LARP4B: variants seen among roughly 807,000 people sequenced by gnomAD.
LARP4B encodes the protein la-related protein 4B.
In LARP4B, 12 loss-of-function variants were observed where a neutral mutation model predicts 89.8. The observed-to-expected ratio is 0.13, with a 90% CI of 0.09 to 0.22. The LOEUF (loss-of-function observed/expected upper bound fraction) is 0.22, where lower values mean the gene tolerates loss of function less well. Ranked by LOEUF, LARP4B falls within the 10% of genes least tolerant of loss-of-function variation. LARP4B has a pLI of 1.00. For synonymous variants in LARP4B, 367 were observed against 363.3 expected (o/e 1.01, Z -0.12); for missense variants, 757 against 947.7 (o/e 0.80, Z 2.64).
intron 5 of LARP4B, among the ~76,000 whole-genome samples, chr10:857,461 G>C (rs1026293333): frequency 6.6e-6 from 1 of 152,146 alleles, no homozygotes; most frequent in African/African-American, 2.4e-5. Context: ...CAAAATGAAG[G>C]CCTCAGAAAC....
At position 857,285 on chromosome 10, in the gene LARP4B, C is replaced by A. The variant is rs115994195; in HGVS notation, c.430+6458G>T. On this transcript the variant is annotated intron_variant, in intron 5 of 17. Transcript: ENST00000316157. ...GAGACAGCAGGTAAGAACAGGTGGG[C>A]AATGCAAGCAGAGAGATGGAAATCC... 5.4e-3 allele frequency among the ~76,000 whole-genome samples: 821 copies of A among 151,878 alleles called. 6 individuals are homozygous for A. The highest frequency in any genetic ancestry group is 0.019 in the African/African-American group (771 of 41,390).
the LARP4B span, among the ~76,000 whole-genome samples, chr10:964,303 G>A: frequency 4.6e-5 from 7 of 152,214 alleles, no homozygotes; most frequent in Non-Finnish European, 1.0e-4. Flanking sequence ...CCGACCTCGT[G>A]ATCTGCCCGC....
At chr10:871,851 G>A (rs1403866674) in intron 3 of LARP4B, among the ~76,000 whole-genome samples, 2 of 152,172 alleles carry the variant, frequency 1.3e-5, no homozygotes, top group Non-Finnish European at 2.9e-5. Context: ...TCTCTTAGTG[G>A]TGTGATAGAG....
intron 1 of LARP4B, among the ~76,000 whole-genome samples, chr10:922,138 C>G (rs905677108): frequency 6.6e-5 from 10 of 152,164 alleles, no homozygotes; most frequent in African/African-American, 2.4e-4. Context: ...CACCTCAGAT[C>G]ATCAGGCACT....
the LARP4B span, among the ~76,000 whole-genome samples, chr10:937,205 G>T: frequency 6.6e-6 from 1 of 152,118 alleles, no homozygotes; most frequent in South Asian, 2.1e-4. Flanking sequence ...ACCATGCCCA[G>T]CTAATTTTTG....
At chr10:930,369 GTTATCCAAAACTTCAAACTTCCAA>G (rs1837263790) in intron 1 of LARP4B, among the ~76,000 whole-genome samples, 1 of 152,138 alleles carries the variant, frequency 6.6e-6, no homozygotes, top group African/African-American at 2.4e-5. Context: ...TGTTTTCTCA[GTTATCCAAAACTTCAAACTTCCAA>G]TTTACTATTA....
intron 1 of LARP4B, among the ~76,000 whole-genome samples, chr10:917,811 A>G (rs1447634483): frequency 6.6e-6 from 1 of 152,258 alleles, no homozygotes; most frequent in African/African-American, 2.4e-5. Flanking sequence ...TATATGGCCA[A>G]TCATTATTCT....
the LARP4B span, among the ~76,000 whole-genome samples, chr10:968,790 G>A: frequency 2.1e-4 from 32 of 152,366 alleles, no homozygotes; most frequent in South Asian, 1.2e-3. Flanking sequence ...GAGCGCCTTC[G>A]CGTATGATGG....
intron 1 of LARP4B, among the ~76,000 whole-genome samples, chr10:907,206 C>T (rs948290397): frequency 3.3e-5 from 5 of 151,006 alleles, no homozygotes; most frequent in African/African-American, 1.2e-4. Context: ...GTATCCCTAA[C>T]ACAGTACCTA....
intron 7 of LARP4B, among the ~76,000 whole-genome samples, chr10:838,640 G>C (rs1342384527): frequency 4.6e-5 from 7 of 152,140 alleles, no homozygotes; most frequent in Non-Finnish European, 8.8e-5. Context: ...TGGAGCAAGA[G>C]GAACTCCCAT....
At chr10:941,736 T>A in the LARP4B span, among the ~76,000 whole-genome samples, 1 of 152,250 alleles carries the variant, frequency 6.6e-6, no homozygotes. Context: ...ATTTCAGTTA[T>A]TTTTTTATTT....
chr10:827,571 G>A (rs1360679340), intron 11 of LARP4B, among the ~76,000 whole-genome samples: 1 of 152,200 alleles, frequency 6.6e-6, no homozygotes, highest in Admixed American at 6.5e-5. Flanking sequence ...GGCTGCGATG[G>A]AGAGCCCCAG....
At chr10:879,717 T>C (rs1006411469) in intron 3 of LARP4B, among the ~76,000 whole-genome samples, 2 of 152,186 alleles carry the variant, frequency 1.3e-5, no homozygotes, top group African/African-American at 2.4e-5. Context: ...TCCTCCCGCC[T>C]TGGCCTCCCA....
the LARP4B span, among the ~76,000 whole-genome samples, chr10:965,087 C>G: frequency 6.6e-6 from 1 of 152,220 alleles, no homozygotes; most frequent in Non-Finnish European, 1.5e-5. Context: ...GGACGGGGGA[C>G]CTGCTAGGTC....
At chr10:949,023 G>A in the LARP4B span, among the ~76,000 whole-genome samples, 14 of 152,346 alleles carry the variant, frequency 9.2e-5, no homozygotes, top group Middle Eastern at 3.4e-3. Context: ...ACCCTGGCCC[G>A]AAGTTGCCAG....
the LARP4B span, among the ~76,000 whole-genome samples, chr10:956,135 A>G: frequency 2.0e-5 from 3 of 152,170 alleles, no homozygotes; most frequent in African/African-American, 7.2e-5. This position sits in a 1 kb window ranked among gnomAD's most constrained non-coding sequence, Gnocchi z 4.3. Context: ...GAGCTGACTC[A>G]GATGGCAATG....
At chr10:891,733 A>T (rs891724690) in intron 1 of LARP4B, among the ~76,000 whole-genome samples, 2 of 152,214 alleles carry the variant, frequency 1.3e-5, no homozygotes, top group African/African-American at 2.4e-5. Context: ...CCTACCTATT[A>T]AAAAAAGTAA....
intron 1 of LARP4B, among the ~76,000 whole-genome samples, chr10:913,604 C>CTAA (rs1406710645): frequency 5.9e-5 from 9 of 152,272 alleles, no homozygotes; most frequent in African/African-American, 2.2e-4. Context: ...GAGATGATGG[C>CTAA]TAACTTTGTT....
intron 3 of LARP4B, among the ~76,000 whole-genome samples, chr10:868,473 A>T (rs1458190179): frequency 6.6e-6 from 1 of 152,044 alleles, no homozygotes; most frequent in Admixed American, 6.6e-5. Flanking sequence ...AACGCTTCGT[A>T]TGAGAATACT....
Sources: allele counts gnomAD v4.1 joint callset (sites outside exome capture counted in the v4.1 genomes callset), GRCh38; gene constraint gnomAD v4.1.1; non-coding constraint Gnocchi (gnomAD v3.1); transcripts MANE v1.5; gene names NCBI Gene and HGNC (gene_info 2026-07-23, HGNC 2026-07-21).